CRACDL: variants seen among roughly 807,000 people sequenced by gnomAD.
The protein encoded by CRACDL is CRACD like, also known as CRACD-like protein.
A neutral mutation model predicts 70.6 loss-of-function variants in CRACDL; 26 were observed. That is an observed-to-expected ratio of 0.37 (90% CI 0.27 to 0.51). The LOEUF (loss-of-function observed/expected upper bound fraction) is 0.51, where lower values mean the gene tolerates loss of function less well. CRACDL is among the 20% of genes least tolerant of loss of function. The pLI is 0.94. For synonymous variants in CRACDL, 618 were observed against 615.2 expected (o/e 1.00, Z -0.07); for missense variants, 1,283 against 1,376.9 (o/e 0.93, Z 1.08).
intron 7 of CRACDL, among the ~76,000 whole-genome samples, chr2:98,805,492 C>G (rs1412229756): frequency 6.6e-6 from 1 of 152,068 alleles, no homozygotes; most frequent in Non-Finnish European, 1.5e-5. Flanking sequence ...TCAAGTGCAC[C>G]CTCCGTAGGG....
intron 7 of CRACDL, among the ~76,000 whole-genome samples, chr2:98,811,338 T>C (rs1480630866): frequency 6.6e-6 from 1 of 151,560 alleles, no homozygotes; most frequent in Non-Finnish European, 1.5e-5. Flanking sequence ...GGTGAAACCC[T>C]GTCTCTCCTA....
intron 1 of CRACDL, among the ~76,000 whole-genome samples, chr2:98,926,163 A>T (rs1708904614): frequency 6.6e-6 from 1 of 152,250 alleles, no homozygotes; most frequent in Non-Finnish European, 1.5e-5. Context: ...CATATAAATC[A>T]TATCCTATTT....
chr2:98,924,257 G>A (rs1168592362), intron 1 of CRACDL, among the ~76,000 whole-genome samples: 1 of 152,130 alleles, frequency 6.6e-6, no homozygotes, highest in Admixed American at 6.5e-5. Context: ...CCCTGGGCTG[G>A]AGCTGCCAGC....
intron 7 of CRACDL, among the ~76,000 whole-genome samples, chr2:98,816,082 C>T (rs1315879631): frequency 6.6e-6 from 1 of 152,108 alleles, no homozygotes; most frequent in Non-Finnish European, 1.5e-5. Flanking sequence ...TAGGAAAGTC[C>T]CAGGAGCTCT....
At chr2:98,904,190 T>C (rs1487238366) in intron 1 of CRACDL, among the ~76,000 whole-genome samples, 1 of 152,230 alleles carries the variant, frequency 6.6e-6, no homozygotes, top group East Asian at 1.9e-4. Context: ...GGGCCCACTT[T>C]CCACGCACCC....
At chr2:98,804,149 G>T (rs147723605) in intron 7 of CRACDL, among the ~76,000 whole-genome samples, 12 of 152,196 alleles carry the variant, frequency 7.9e-5, no homozygotes, top group Non-Finnish European at 1.6e-4. Context: ...TGGAACTCAG[G>T]GTGGTAATGC....
At chr2:98,813,257 C>A (rs1182658795) in intron 7 of CRACDL, among the ~76,000 whole-genome samples, 2 of 151,986 alleles carry the variant, frequency 1.3e-5, no homozygotes, top group African/African-American at 4.8e-5. Flanking sequence ...ATGGTGAAAC[C>A]CTGTCTTCAC....
intron 1 of CRACDL, among the ~76,000 whole-genome samples, chr2:98,935,408 T>A (rs1308710423): frequency 6.6e-6 from 1 of 152,212 alleles, no homozygotes; most frequent in African/African-American, 2.4e-5. Context: ...TCAACAAATA[T>A]TTGTTGATTA....
intron 1 of CRACDL, among the ~76,000 whole-genome samples, chr2:98,929,583 G>A (rs770870255): frequency 2.9e-4 from 44 of 152,178 alleles, no homozygotes; most frequent in Admixed American, 8.5e-4. Context: ...GCAAAGCTTC[G>A]CGAACCTCTA....
Position 98,892,984 on chromosome 2 carries a change from G to A in CRACDL, c.-11+42954C>T, listed in dbSNP as rs143420725. ...GATACCTGGGCCTGGCCTCTCCACC[G>A]CCAGCTCACAAATCCCTGGCCGGCT... On this transcript the variant is annotated intron_variant, in intron 1 of 9. Transcript: ENST00000397899. Among the ~76,000 whole-genome samples, 325 of 152,156 alleles carry A rather than the reference G, an allele frequency of 2.1e-3. 2 individuals are homozygous for A. Among genetic ancestry groups the A allele is most frequent in the African/African-American group, 7.5e-3 (313 of 41,528 alleles).
chr2:98,796,364 C>T, intron 8 of CRACDL, 100 bp from the exon 9 acceptor site: 8 of 1,258,632 alleles, frequency 6.4e-6, no homozygotes, highest in Non-Finnish European at 9.1e-6. Flanking sequence ...ATCCAAGATG[C>T]CTGCACTGCT....
At chr2:98,893,777 C>T (rs1173250953) in intron 1 of CRACDL, among the ~76,000 whole-genome samples, 1 of 152,198 alleles carries the variant, frequency 6.6e-6, no homozygotes, top group South Asian at 2.1e-4. Context: ...CTATTTCTGT[C>T]CCCCTCATTT....
intron 7 of CRACDL, among the ~76,000 whole-genome samples, chr2:98,804,099 C>T (rs962898960): frequency 6.6e-6 from 1 of 152,214 alleles, no homozygotes; most frequent in Non-Finnish European, 1.5e-5. Flanking sequence ...AGTCGCTCGT[C>T]ATCAGATCTG....
intron 1 of CRACDL, among the ~76,000 whole-genome samples, chr2:98,910,478 G>A (rs1020723286): frequency 3.3e-5 from 5 of 151,642 alleles, no homozygotes; most frequent in Admixed American, 2.0e-4. Flanking sequence ...CCAAGATCAC[G>A]TCACTACACT....
intron 1 of CRACDL, among the ~76,000 whole-genome samples, chr2:98,930,139 G>C (rs1010717554): frequency 6.6e-6 from 1 of 152,062 alleles, no homozygotes; most frequent in Non-Finnish European, 1.5e-5. Flanking sequence ...CCAACACGAC[G>C]GGGCGTATGT....
chr2:98,863,681 G>A lies in CRACDL; in HGVS notation c.-10-16871C>T, dbSNP rs149358796. On this transcript the variant is annotated intron_variant, in intron 1 of 9. Transcript: ENST00000397899. The stretch of plus-strand genomic sequence containing the variant: ...AATACCCAGTCAATAGAAACCATCC[G>A]TCTCTTGCAATGCTGGGCAGTGGCA... Among the ~76,000 whole-genome samples, 53 of 152,250 alleles carry A rather than the reference G, an allele frequency of 3.5e-4. 1 individual carries two copies. In the South Asian group the frequency reaches 3.7e-3, roughly 11 times the overall value.
In CRACDL at chr2:98,928,549, T is replaced by C. The variant is rs572155549; in HGVS notation, c.-11+7389A>G. On this transcript the variant is annotated intron_variant, in intron 1 of 9. Coordinates refer to ENST00000397899, the MANE Select transcript of CRACDL (RefSeq NM_207362.3). ...CCCTGCTGGCTGGCCTGGCCATGTCTGGTCTATAGGGCTTCCTCCCCTACC... is the reference window on the plus strand; with the variant it reads ...CCCTGCTGGCTGGCCTGGCCATGTCCGGTCTATAGGGCTTCCTCCCCTACC... Among the ~76,000 whole-genome samples, 13 of 152,302 alleles carry C rather than the reference T, an allele frequency of 8.5e-5. No individual in the cohort carries two copies. In the South Asian group the frequency reaches 2.7e-3, roughly 32 times the overall value.
chr2:98,802,099 C>T (rs1293785700), intron 7 of CRACDL, among the ~76,000 whole-genome samples: 9 of 152,244 alleles, frequency 5.9e-5, no homozygotes, highest in Admixed American at 5.9e-4. Flanking sequence ...TCCAGCAGAC[C>T]ATCTCAATGC....
At chr2:98,891,556 T>C (rs1558625769) in intron 1 of CRACDL, among the ~76,000 whole-genome samples, 2 of 152,104 alleles carry the variant, frequency 1.3e-5, no homozygotes, top group Non-Finnish European at 2.9e-5. Flanking sequence ...ATGCTAATTA[T>C]ATGTCAATTA....
Sources: gnomAD v4.1 joint callset for allele counts (sites outside exome capture counted in the v4.1 genomes callset) on GRCh38, gnomAD v4.1.1 for gene constraint, MANE v1.5 for transcripts, NCBI Gene and HGNC (gene_info 2026-07-23, HGNC 2026-07-21) for gene names.